Variants in DLG2 observed in about 807,000 individuals in gnomAD.
The protein encoded by DLG2 is disks large homolog 2.
In DLG2, 45 loss-of-function variants were observed where a neutral mutation model predicts 132.5. The observed-to-expected ratio is 0.34, with a 90% CI of 0.27 to 0.44. The LOEUF (loss-of-function observed/expected upper bound fraction) is 0.44, where lower values mean the gene tolerates loss of function less well. Ranked by LOEUF, DLG2 falls within the 20% of genes least tolerant of loss-of-function variation. DLG2 has a pLI of 1.00. For synonymous variants in DLG2, 424 were observed against 419.6 expected, an observed-to-expected ratio of 1.01 and a Z score of -0.13; for missense variants, 1,045 against 1,196.9, an observed-to-expected ratio of 0.87 and a Z score of 1.87.
intron 19 of DLG2, among the ~76,000 whole-genome samples, chr11:83,614,609 G>C (rs975572952): frequency 6.6e-6 from 1 of 152,022 alleles, no homozygotes; most frequent in African/African-American, 2.4e-5. Flanking sequence ...GTTGCAGCTA[G>C]TAGGGAGGCT....
At chr11:83,841,930 G>C (rs1341432913) in intron 16 of DLG2, among the ~76,000 whole-genome samples, 1 of 152,200 alleles carries the variant, frequency 6.6e-6, no homozygotes, top group Non-Finnish European at 1.5e-5. Context: ...GTGGACAAGT[G>C]CTATGACAGA....
At chr11:84,120,216 C>A (rs7108582) in intron 9 of DLG2, among the ~76,000 whole-genome samples, 131,322 of 152,080 alleles carry the variant, frequency 0.86, 56,953 homozygotes, top group Middle Eastern at 0.94. Flanking sequence ...AACCTTGTCC[C>A]TTGTCTCGGT....
intron 6 of DLG2, among the ~76,000 whole-genome samples, chr11:84,668,023 T>G (rs1304802910): frequency 6.6e-6 from 1 of 152,148 alleles, no homozygotes; most frequent in Non-Finnish European, 1.5e-5. Flanking sequence ...CAGATCTCAG[T>G]GTGAGCCCAG....
chr11:83,768,624 A>G (rs1321300250), intron 18 of DLG2, among the ~76,000 whole-genome samples: 2 of 152,236 alleles, frequency 1.3e-5, no homozygotes, highest in Non-Finnish European at 2.9e-5. Flanking sequence ...CAGATTTAAG[A>G]AAAGTGCTCT....
chr11:83,956,166 C>T (rs779458626), intron 14 of DLG2, among the ~76,000 whole-genome samples: 4 of 152,150 alleles, frequency 2.6e-5, no homozygotes, highest in Non-Finnish European at 5.9e-5. Flanking sequence ...ACGTTTTCAT[C>T]GCTCAGTCAA....
rs544118200 is a variant in DLG2 at position 85,153,523 on chromosome 11, T to C, written c.282+1033A>G. On this transcript the variant is annotated intron_variant, in intron 5 of 27. Coordinates refer to ENST00000376104, the MANE Select transcript of DLG2 (RefSeq NM_001142699.3). ...TGTTTCTCACTAGGACTCTGGAATA[T>C]CAAATCTCCAAGCTTTATGCTTTGC... Among the ~76,000 whole-genome samples, 8 of 152,258 alleles carry C rather than the reference T, an allele frequency of 5.3e-5. No homozygotes were observed. The East Asian group carries it at 1.5e-3, about 29-fold the overall frequency.
chr11:85,279,311 A>C (rs746905837), intron 4 of DLG2, among the ~76,000 whole-genome samples: 1 of 152,140 alleles, frequency 6.6e-6, no homozygotes, highest in Non-Finnish European at 1.5e-5. Context: ...CACAAAGATG[A>C]ATATACATAC....
At chr11:83,500,611 CT>C (rs1246551761) in intron 21 of DLG2, among the ~76,000 whole-genome samples, 9 of 151,992 alleles carry the variant, frequency 5.9e-5, no homozygotes, top group Admixed American at 5.9e-4. Flanking sequence ...GCTGATGGAG[CT>C]TTTATGCTAC....
chr11:84,960,680 C>A (rs1591861392), intron 6 of DLG2, among the ~76,000 whole-genome samples: 1 of 152,150 alleles, frequency 6.6e-6, no homozygotes, highest in African/African-American at 2.4e-5. Context: ...CTCAGGCAAT[C>A]CACCCGCCTT....
At chr11:84,582,190 T>A (rs1451963238) in intron 6 of DLG2, among the ~76,000 whole-genome samples, 1 of 151,632 alleles carries the variant, frequency 6.6e-6, no homozygotes, top group Non-Finnish European at 1.5e-5. Flanking sequence ...CCAGGATAAG[T>A]TCTTGAGTAG....
intron 8 of DLG2, among the ~76,000 whole-genome samples, chr11:84,189,414 T>C (rs2096356786): frequency 6.6e-6 from 1 of 152,122 alleles, no homozygotes; most frequent in Admixed American, 6.6e-5. Context: ...GAATGTGTGA[T>C]GAGCCCTCAA....
At chr11:84,670,914 G>A (rs1337178813) in intron 6 of DLG2, among the ~76,000 whole-genome samples, 1 of 151,820 alleles carries the variant, frequency 6.6e-6, no homozygotes. Flanking sequence ...ATACCTTTTT[G>A]TACTTATTAG....
At chr11:84,493,109 A>G (rs2099169507) in intron 7 of DLG2, among the ~76,000 whole-genome samples, 1 of 152,086 alleles carries the variant, frequency 6.6e-6, no homozygotes, top group Admixed American at 6.6e-5. Flanking sequence ...TTCTACCTGA[A>G]GTGTCCATCA....
chr11:85,047,940 A>G (rs1303434778), intron 6 of DLG2, among the ~76,000 whole-genome samples: 1 of 151,862 alleles, frequency 6.6e-6, no homozygotes, highest in African/African-American at 2.4e-5. Flanking sequence ...TTTACCTGTT[A>G]TCTCCACGAG....
At chr11:85,111,560 C>G in intron 6 of DLG2, 101 bp downstream of exon 6, 1 of 930,490 alleles carries the variant, frequency 1.1e-6, no homozygotes, top group East Asian at 2.9e-5. Flanking sequence ...TTGCTTTACT[C>G]CAGAATTTCA....
intron 8 of DLG2, among the ~76,000 whole-genome samples, chr11:84,244,466 G>A (rs771107118): frequency 6.6e-5 from 10 of 152,170 alleles, no homozygotes; most frequent in Admixed American, 1.3e-4. Context: ...GATTACAGGC[G>A]TGAGCCCACC....
chr11:84,108,804 T>C (rs754324925), intron 9 of DLG2, among the ~76,000 whole-genome samples: 4 of 152,070 alleles, frequency 2.6e-5, no homozygotes, highest in Non-Finnish European at 5.9e-5. Flanking sequence ...CAAGTTGCTG[T>C]AGTCCAGGTC....
At chr11:85,596,904 T>G (rs898068643) in intron 3 of DLG2, among the ~76,000 whole-genome samples, 6 of 152,226 alleles carry the variant, frequency 3.9e-5, no homozygotes, top group African/African-American at 7.2e-5. Context: ...AAATTATGTT[T>G]TGTTGTATAA....
chr11:84,514,440 T>C (rs1307562496), intron 7 of DLG2, among the ~76,000 whole-genome samples: 11 of 152,100 alleles, frequency 7.2e-5, no homozygotes, highest in Admixed American at 7.2e-4. Context: ...GGAAGCAACC[T>C]AAGTGTCCAT....
Sources: gnomAD v4.1 joint callset for allele counts (sites outside exome capture counted in the v4.1 genomes callset) on GRCh38, gnomAD v4.1.1 for gene constraint, MANE v1.5 for transcripts, NCBI Gene and HGNC (gene_info 2026-07-23, HGNC 2026-07-21) for gene names.